The following SNAP29 variants were observed in gnomAD, a reference collection of about 807,000 sequenced individuals.
SNAP29 encodes synaptosomal-associated protein 29.
A neutral mutation model predicts 27.9 loss-of-function variants in SNAP29; 13 were observed. That is an observed-to-expected ratio of 0.47 (90% CI 0.30 to 0.74). The LOEUF (loss-of-function observed/expected upper bound fraction) is 0.74, where lower values mean the gene tolerates loss of function less well. SNAP29 is among the 30% of genes least tolerant of loss of function. The pLI, the probability that SNAP29 is intolerant of heterozygous loss-of-function variation, is 0.06. For missense variants in SNAP29, 368 were observed against 336.5 expected, an observed-to-expected ratio of 1.09 and a Z score of -0.73; for synonymous variants, 119 against 127.1, an observed-to-expected ratio of 0.94 and a Z score of 0.43.
intron 3 of SNAP29, among the ~76,000 whole-genome samples, chr22:20,882,169 C>T (rs1201216873): frequency 6.6e-6 from 1 of 151,870 alleles, no homozygotes; most frequent in Admixed American, 6.6e-5. Context: ...GACACCCCGA[C>T]TCAGCCCAGT....
intron 4 of SNAP29, among the ~76,000 whole-genome samples, chr22:20,884,634 G>A (rs1341119350): frequency 1.3e-5 from 2 of 152,146 alleles, no homozygotes; most frequent in African/African-American, 4.8e-5. Context: ...TGCCCTGGCC[G>A]TTTGTGATTG....
intron 1 of SNAP29, among the ~76,000 whole-genome samples, chr22:20,868,092 T>C (rs1464833625): frequency 2.6e-5 from 4 of 152,188 alleles, no homozygotes; most frequent in East Asian, 1.9e-4. Context: ...AATCTGTTAA[T>C]CCTAACGTAT....
intron 1 of SNAP29, among the ~76,000 whole-genome samples, chr22:20,862,396 G>C (rs1053519672): frequency 1.3e-5 from 2 of 152,182 alleles, no homozygotes; most frequent in Non-Finnish European, 2.9e-5. Flanking sequence ...GATGTTCTTA[G>C]GGAAGACAGG....
At chr22:20,876,888 A>G (rs1928759890) in intron 2 of SNAP29, among the ~76,000 whole-genome samples, 1 of 152,152 alleles carries the variant, frequency 6.6e-6, no homozygotes, top group Non-Finnish European at 1.5e-5. Flanking sequence ...TTTCCTGTGT[A>G]CATCATTATC....
At chr22:20,872,678 G>A (rs1168800455) in intron 2 of SNAP29, among the ~76,000 whole-genome samples, 1 of 152,024 alleles carries the variant, frequency 6.6e-6, no homozygotes, top group East Asian at 1.9e-4. Flanking sequence ...GGGATTACAG[G>A]CGTGAGCCAC....
Position 20,872,122 on chromosome 22 carries a change from C to A in SNAP29, c.434+1589C>A, listed in dbSNP as rs376080826. On this transcript the variant is annotated intron_variant, in intron 2 of 4. Transcript: ENST00000215730. ...TTTTCATAGTTGTAACCATAGTATT[C>A]TTTTGGTTTGATAGCCTTTTTCTTC... is the stretch of plus-strand genomic sequence containing the variant. Among the ~76,000 whole-genome samples the A allele has an allele frequency of 1.1e-4, 16 of 152,196 alleles. No individual in the cohort carries two copies. The South Asian group carries it at 2.9e-3, about 28-fold the overall frequency.
rs1015678121 is a variant in SNAP29, at chr22:20,888,227, A to G, written c.*391A>G. ...CTATTTCTCATTCCTAAGCCTTACCATGAGTCAGAGTGTTAAGGGGGCCTG... is the reference window on the plus strand; with the variant it reads ...CTATTTCTCATTCCTAAGCCTTACCGTGAGTCAGAGTGTTAAGGGGGCCTG... On this transcript the variant is annotated 3_prime_UTR_variant, in exon 5 of 5. Coordinates refer to ENST00000215730, the MANE Select transcript of SNAP29 (RefSeq NM_004782.4). 4 of 326,208 alleles carry G rather than the reference A, an allele frequency of 1.2e-5. No individual in the cohort carries two copies. Among genetic ancestry groups the G allele is most frequent in the Admixed American group, 4.6e-5 (1 of 21,958 alleles). 20.2% of individuals were successfully genotyped at this position (326,208 alleles called of 1,614,324 possible). A position where few individuals can be genotyped will look rare whatever the true frequency, so the allele number is the denominator to read the frequency against.
At chr22:20,863,839 G>A (rs984247108) in intron 1 of SNAP29, among the ~76,000 whole-genome samples, 2 of 151,944 alleles carry the variant, frequency 1.3e-5, no homozygotes, top group African/African-American at 2.4e-5. Context: ...AGATAATGCC[G>A]TGGATAAAAA....
intron 4 of SNAP29, among the ~76,000 whole-genome samples, chr22:20,886,961 C>T (rs139397224): frequency 0.03 from 4,517 of 152,006 alleles, 88 homozygotes; most frequent in Middle Eastern, 0.065. Context: ...CGGTGGCTCA[C>T]GCCTGTAATC....
intron 1 of SNAP29, among the ~76,000 whole-genome samples, chr22:20,865,849 G>C (rs564959383): frequency 3.9e-5 from 6 of 152,346 alleles, no homozygotes; most frequent in South Asian, 4.1e-4. Context: ...AACACACACA[G>C]AGTATTGTCA....
At chr22:20,863,540 A>G (rs1928383914) in intron 1 of SNAP29, among the ~76,000 whole-genome samples, 1 of 152,208 alleles carries the variant, frequency 6.6e-6, no homozygotes, top group African/African-American at 2.4e-5. Context: ...TATGACCACA[A>G]AAGAACAGAG....
At chr22:20,867,624 A>G (rs1228523571) in intron 1 of SNAP29, among the ~76,000 whole-genome samples, 1 of 152,098 alleles carries the variant, frequency 6.6e-6, no homozygotes, top group Non-Finnish European at 1.5e-5. Context: ...AGCAAACAGA[A>G]ACTTCCAGAG....
At chr22:20,885,268 G>T (rs1177029499) in intron 4 of SNAP29, among the ~76,000 whole-genome samples, 1 of 152,096 alleles carries the variant, frequency 6.6e-6, no homozygotes, top group Non-Finnish European at 1.5e-5. Context: ...GTTAGGAGTT[G>T]GCAAAGTGTA....
rs1486461857 is a variant in SNAP29 at position 20,887,936 on chromosome 22, G to A, written c.*100G>A. ...TTACTATTTTAGTATGTAAATTAATGTGTGTTTGCAAATGTTATAATAGAG... is the reference window on the plus strand; with the variant it reads ...TTACTATTTTAGTATGTAAATTAATATGTGTTTGCAAATGTTATAATAGAG... On this transcript the variant is annotated 3_prime_UTR_variant, in exon 5 of 5. Coordinates refer to ENST00000215730, the MANE Select transcript of SNAP29 (RefSeq NM_004782.4). The A allele has an allele frequency of 8.5e-7, 1 of 1,181,622 alleles. No individual in the cohort carries two copies. Among genetic ancestry groups the A allele is most frequent in the Non-Finnish European group, 1.2e-6 (1 of 809,270 alleles). The allele number at this position is 1,181,622 out of a possible 1,614,324, so 73.2% of individuals were successfully genotyped here.
chr22:20,882,414 C>T (rs1928910524), intron 3 of SNAP29, among the ~76,000 whole-genome samples: 2 of 152,012 alleles, frequency 1.3e-5, no homozygotes, highest in African/African-American at 4.8e-5. Flanking sequence ...CCTCCATAGG[C>T]CCCCACAATA....
At chr22:20,866,030 C>A (rs1356853038) in intron 1 of SNAP29, among the ~76,000 whole-genome samples, 1 of 152,232 alleles carries the variant, frequency 6.6e-6, no homozygotes, top group Non-Finnish European at 1.5e-5. Context: ...CTGGTCTAAG[C>A]TTAGGCTCAC....
rs775458049 is a variant in SNAP29 at position 20,887,753 on chromosome 22, G to A, written c.694G>A (p.Asp232Asn). ...GMQTEIEEQD[D>N]ILDRLTTKVD... is the part of the protein sequence containing the mutation. ...GCAGACAGAAATTGAGGAGCAAGAT[G>A]ACATTCTTGACCGGCTGACAACCAA... The change falls in exon 5 of 5, where the codon GAC becomes AAC. Residue 232 changes from aspartate to asparagine, a missense_variant. Coordinates refer to ENST00000215730, the MANE Select transcript of SNAP29 (RefSeq NM_004782.4). The A allele has an allele frequency of 3.7e-6, 6 of 1,614,028 alleles. No individual in the cohort carries two copies. The highest frequency in any genetic ancestry group is 1.7e-6 in the Non-Finnish European group (2 of 1,179,992).
Position 20,859,045 on chromosome 22 carries a change from G to T in SNAP29, c.-66G>T. 2 of 1,437,744 alleles carry T rather than the reference G, an allele frequency of 1.4e-6. No individual in the cohort carries two copies. The highest frequency in any genetic ancestry group is 1.9e-6 in the Non-Finnish European group (2 of 1,037,690). 89.1% of individuals were successfully genotyped at this position (1,437,744 alleles called of 1,614,324 possible). A position where few individuals can be genotyped will look rare whatever the true frequency, so the allele number is the denominator to read the frequency against. On this transcript the variant is annotated 5_prime_UTR_variant, in exon 1 of 5. Coordinates refer to ENST00000215730, the MANE Select transcript of SNAP29 (RefSeq NM_004782.4). Reference sequence around the variant, plus strand: ...CCGCGGGGTCGGCGGGCGGGGCGAGGCCCTGGACGGCGGCGGCAGTGGGGC... The same window carrying T: ...CCGCGGGGTCGGCGGGCGGGGCGAGTCCCTGGACGGCGGCGGCAGTGGGGC...
chr22:20,864,924 A>G (rs1471878869), intron 1 of SNAP29, among the ~76,000 whole-genome samples: 2 of 152,240 alleles, frequency 1.3e-5, no homozygotes, highest in Non-Finnish European at 2.9e-5. Flanking sequence ...CAGAAAATGC[A>G]TCCCAACACA....
Sources: allele counts gnomAD v4.1 joint callset (sites outside exome capture counted in the v4.1 genomes callset), GRCh38; gene constraint gnomAD v4.1.1; transcripts MANE v1.5; gene names NCBI Gene and HGNC (gene_info 2026-07-23, HGNC 2026-07-21).